The following HPSE2 variants were observed in gnomAD, a reference collection of about 807,000 sequenced individuals.
HPSE2 encodes the protein heparanase 2 (inactive).
In HPSE2, 38 loss-of-function variants were observed where a neutral mutation model predicts 60.5. The ratio of observed to expected loss-of-function variants is 0.63; its 90% CI spans 0.48 to 0.82. The LOEUF is 0.82. Among genes scored for constraint, HPSE2 ranks in the 40% least tolerant of loss-of-function variants. The pLI is 0.00. For missense variants in HPSE2, 713 were observed against 740.4 expected (o/e 0.96, Z 0.43); for synonymous variants, 295 against 293.2 (o/e 1.01, Z -0.06).
intron 4 of HPSE2, among the ~76,000 whole-genome samples, chr10:98,731,424 G>C (rs963847744): frequency 2.0e-5 from 3 of 152,184 alleles, no homozygotes; most frequent in African/African-American, 7.2e-5. Context: ...CTATGACCAA[G>C]TGGGATTTAT....
At chr10:99,099,195 A>T (rs899340564) in intron 3 of HPSE2, among the ~76,000 whole-genome samples, 1 of 152,238 alleles carries the variant, frequency 6.6e-6, no homozygotes, top group Non-Finnish European at 1.5e-5. Context: ...AGCGCGAGGC[A>T]TCGCCTCACC....
chr10:98,729,842 T>C (rs544929069), intron 4 of HPSE2, among the ~76,000 whole-genome samples: 1 of 151,828 alleles, frequency 6.6e-6, no homozygotes, highest in East Asian at 1.9e-4. Flanking sequence ...AACACCACCA[T>C]CAAAATACCT....
intron 9 of HPSE2, among the ~76,000 whole-genome samples, chr10:98,568,056 A>G (rs1371259138): frequency 2.6e-5 from 4 of 152,204 alleles, no homozygotes; most frequent in South Asian, 2.1e-4. Context: ...GCAGGGTTCA[A>G]TGGGTTTTGT....
chr10:99,066,032 A>G (rs1452332197), intron 3 of HPSE2, among the ~76,000 whole-genome samples: 1 of 152,236 alleles, frequency 6.6e-6, no homozygotes, highest in Non-Finnish European at 1.5e-5. Context: ...CAGCTGGGAA[A>G]ATTGTTTTCT....
chr10:98,861,864 G>C (rs1004130922), intron 3 of HPSE2, among the ~76,000 whole-genome samples: 8 of 152,118 alleles, frequency 5.3e-5, no homozygotes, highest in Non-Finnish European at 7.4e-5. Context: ...CAATGGTAAA[G>C]AACGTGGCAA....
intron 11 of HPSE2, among the ~76,000 whole-genome samples, chr10:98,466,380 G>A (rs747736699): frequency 4.6e-5 from 7 of 152,050 alleles, no homozygotes; most frequent in Admixed American, 1.3e-4. Context: ...TTGGGAGGCC[G>A]AGGCAGGCGG....
chr10:99,236,059 ACTCACGCC>A (rs1849844666), upstream of HPSE2, among the ~76,000 whole-genome samples: 1 of 141,972 alleles, frequency 7.0e-6, no homozygotes, highest in Non-Finnish European at 1.5e-5. Context: ...GGTGGAGCGA[ACTCACGCC>A]CCTAGCCAGC....
At chr10:99,148,565 C>T (rs760851765) in intron 2 of HPSE2, among the ~76,000 whole-genome samples, 4 of 152,004 alleles carry the variant, frequency 2.6e-5, no homozygotes, top group Non-Finnish European at 4.4e-5. Flanking sequence ...CCAAGGTGGG[C>T]GCATCACCTG....
chr10:98,995,758 G>A (rs1956629258), intron 3 of HPSE2, among the ~76,000 whole-genome samples: 1 of 151,968 alleles, frequency 6.6e-6, no homozygotes, highest in Non-Finnish European at 1.5e-5. Context: ...TAAATAAAAA[G>A]CCAATAATCA....
At chr10:98,663,753 G>C (rs1369054114) in intron 6 of HPSE2, among the ~76,000 whole-genome samples, 2 of 152,136 alleles carry the variant, frequency 1.3e-5, no homozygotes, top group African/African-American at 4.8e-5. Context: ...CCAGATTTTT[G>C]TAGAGGTACC....
the HPSE2 span, among the ~76,000 whole-genome samples, chr10:99,263,039 A>G: frequency 6.6e-6 from 1 of 152,090 alleles, no homozygotes; most frequent in African/African-American, 2.4e-5. Context: ...TGTCCAAACA[A>G]CTTGACCTTA....
At chr10:98,852,302 C>T (rs1952201552) in intron 3 of HPSE2, among the ~76,000 whole-genome samples, 1 of 152,074 alleles carries the variant, frequency 6.6e-6, no homozygotes, top group Non-Finnish European at 1.5e-5. Context: ...TCACCTGCTA[C>T]CTTTTCTGCC....
At chr10:98,701,978 T>C (rs1463007447) in intron 5 of HPSE2, among the ~76,000 whole-genome samples, 1 of 152,122 alleles carries the variant, frequency 6.6e-6, no homozygotes, top group Non-Finnish European at 1.5e-5. Context: ...TAAATGTAAA[T>C]GGGCTAAATG....
chr10:99,313,622 A>G, the HPSE2 span, among the ~76,000 whole-genome samples: 2 of 15,036 alleles, frequency 1.3e-4, no homozygotes, highest in African/African-American at 3.8e-4. Context: ...TTTTTTTGAG[A>G]CGGAGTCTCA....
intron 3 of HPSE2, among the ~76,000 whole-genome samples, chr10:98,798,134 A>T (rs1950822994): frequency 6.6e-6 from 1 of 152,190 alleles, no homozygotes; most frequent in African/African-American, 2.4e-5. Context: ...CAGATTTTTC[A>T]GTGGAAACCT....
chr10:99,203,289 C>T (rs1041066277), intron 2 of HPSE2, among the ~76,000 whole-genome samples: 3 of 152,072 alleles, frequency 2.0e-5, no homozygotes, highest in African/African-American at 7.2e-5. Context: ...TCCAAGATGG[C>T]TCCCTGCAGC....
intron 3 of HPSE2, among the ~76,000 whole-genome samples, chr10:98,851,038 C>T (rs533864886): frequency 9.2e-5 from 14 of 152,282 alleles, no homozygotes; most frequent in African/African-American, 2.6e-4. Context: ...GTTGGCAATG[C>T]GAGTGAAACT....
At chr10:98,557,790 A>C (rs1944054738) in intron 9 of HPSE2, among the ~76,000 whole-genome samples, 2 of 152,132 alleles carry the variant, frequency 1.3e-5, no homozygotes, top group South Asian at 4.2e-4. Context: ...CTCTACTAAA[A>C]ATACAAAAAT....
chr10:98,595,871 A>T (rs536444375), intron 9 of HPSE2, among the ~76,000 whole-genome samples: 2 of 152,178 alleles, frequency 1.3e-5, no homozygotes, highest in African/African-American at 2.4e-5. Context: ...TTTGCGATAC[A>T]TTCTTTGTAT....
Sources: allele counts gnomAD v4.1 joint callset (sites outside exome capture counted in the v4.1 genomes callset), GRCh38; gene constraint gnomAD v4.1.1; transcripts MANE v1.5; gene names NCBI Gene and HGNC (gene_info 2026-07-23, HGNC 2026-07-21).